Variants in CHSY3 observed in about 807,000 individuals in gnomAD.
CHSY3 encodes the protein chondroitin sulfate synthase 3, also known as N-acetylgalactosaminyl-proteoglycan 3-beta-glucuronosyltransferase 3.
CHSY3 carries 35 observed loss-of-function variants against 67.2 expected under a neutral mutation model. The observed-to-expected ratio is 0.52, with a 90% CI of 0.40 to 0.69. CHSY3 has a LOEUF of 0.69. CHSY3 is among the 30% of genes least tolerant of loss of function. CHSY3 has a pLI of 0.00. For missense variants in CHSY3, 1,069 were observed against 1,138.5 expected (o/e 0.94, Z 0.88); for synonymous variants, 474 against 434.7 (o/e 1.09, Z -1.12).
chr5:130,091,269 G>A (rs990265587), intron 2 of CHSY3, among the ~76,000 whole-genome samples: 7 of 152,230 alleles, frequency 4.6e-5, no homozygotes, highest in African/African-American at 1.7e-4. Context: ...ATTTAAAAAA[G>A]TGAGACTCTG....
At chr5:129,940,827 T>G (rs971541370) in intron 2 of CHSY3, among the ~76,000 whole-genome samples, 64 of 152,276 alleles carry the variant, frequency 4.2e-4, no homozygotes, top group African/African-American at 1.5e-3. Context: ...ACATGAGATA[T>G]TCAACACTTC....
chr5:130,090,822 C>A (rs1766853138), intron 2 of CHSY3, among the ~76,000 whole-genome samples: 1 of 152,130 alleles, frequency 6.6e-6, no homozygotes, highest in Non-Finnish European at 1.5e-5. Context: ...GCCTCCTCTT[C>A]TCAGATTAAT....
chr5:130,068,792 C>T (rs181514913), intron 2 of CHSY3, among the ~76,000 whole-genome samples: 3 of 152,098 alleles, frequency 2.0e-5, no homozygotes, highest in Non-Finnish European at 2.9e-5. Context: ...GGTTCTGGCT[C>T]GAAGAGCTGA....
At position 130,143,795 on chromosome 5, in the gene CHSY3, T is replaced by TCCTGAGGCCTCCCCAGAAGCCAAGC. The variant is rs1768973174; in HGVS notation, c.1087-40434_1087-40433insCCTGAGGCCTCCCCAGAAGCCAAGC. ...ATATATATATATGTGTATATATATA[T>TCCTGAGGCCTCCCCAGAAGCCAAGC]ATATATATATGTGTGTATATATATA... On this transcript the variant is annotated intron_variant, in intron 2 of 2. Coordinates refer to ENST00000305031, the MANE Select transcript of CHSY3 (RefSeq NM_175856.5). 4.4e-5 allele frequency among the ~76,000 whole-genome samples: 4 copies of TCCTGAGGCCTCCCCAGAAGCCAAGC among 91,850 alleles called. 1 individual carries two copies. In the South Asian group the frequency reaches 1.8e-3, roughly 40 times the overall value. 60.3% of individuals were successfully genotyped at this position (91,850 alleles called of 152,430 possible).
chr5:130,081,184 CAG>C (rs1295727776), intron 2 of CHSY3, among the ~76,000 whole-genome samples: 1 of 152,088 alleles, frequency 6.6e-6, no homozygotes, highest in Non-Finnish European at 1.5e-5. Context: ...AATGAAAACT[CAG>C]GGAGGATTCC....
At chr5:129,947,298 C>T (rs1314850886) in intron 2 of CHSY3, among the ~76,000 whole-genome samples, 6 of 152,050 alleles carry the variant, frequency 3.9e-5, no homozygotes, top group Admixed American at 1.3e-4. Flanking sequence ...TTCCCTCCCA[C>T]GACATATGGG....
chr5:130,182,717 G>T (rs761139737), intron 2 of CHSY3, among the ~76,000 whole-genome samples: 5 of 151,938 alleles, frequency 3.3e-5, no homozygotes, highest in Middle Eastern at 3.4e-3. Context: ...ATATCCTACT[G>T]ATCTGGCACT....
intron 2 of CHSY3, among the ~76,000 whole-genome samples, chr5:130,102,692 A>G (rs1220884316): frequency 6.6e-6 from 1 of 152,146 alleles, no homozygotes; most frequent in African/African-American, 2.4e-5. Flanking sequence ...ATAACCATAA[A>G]TAATCCTTGA....
chr5:130,005,920 T>C (rs1189896664), intron 2 of CHSY3, among the ~76,000 whole-genome samples: 1 of 152,202 alleles, frequency 6.6e-6, no homozygotes, highest in Non-Finnish European at 1.5e-5. Context: ...CAATAAGAAA[T>C]GTTTATTGCT....
intron 2 of CHSY3, among the ~76,000 whole-genome samples, chr5:130,020,790 A>G (rs1310238032): frequency 6.6e-6 from 1 of 151,994 alleles, no homozygotes; most frequent in Non-Finnish European, 1.5e-5. Context: ...TAAGAAATCT[A>G]TTGCCTCTTC....
At chr5:129,930,173 A>C (rs1209075678) in intron 2 of CHSY3, among the ~76,000 whole-genome samples, 1 of 151,966 alleles carries the variant, frequency 6.6e-6, no homozygotes, top group Admixed American at 6.6e-5. Context: ...TCTCTACTAA[A>C]AATACAAAAA....
At chr5:130,019,974 G>A (rs1370191937) in intron 2 of CHSY3, among the ~76,000 whole-genome samples, 3 of 152,108 alleles carry the variant, frequency 2.0e-5, no homozygotes, top group Admixed American at 6.5e-5. Context: ...TGGGAGATAA[G>A]CCCCAATTAG....
intron 2 of CHSY3, among the ~76,000 whole-genome samples, chr5:130,020,381 C>T (rs1391052729): frequency 2.0e-5 from 3 of 146,840 alleles, no homozygotes; most frequent in Non-Finnish European, 4.5e-5. Context: ...GATCGTGCCA[C>T]TGCACTCCAA....
intron 2 of CHSY3, among the ~76,000 whole-genome samples, chr5:130,083,476 G>C (rs1251884705): frequency 6.6e-6 from 1 of 151,820 alleles, no homozygotes; most frequent in Non-Finnish European, 1.5e-5. Context: ...ACTACCATAA[G>C]GCTAATGATT....
chr5:130,146,654 A>G (rs1054361490), intron 2 of CHSY3, among the ~76,000 whole-genome samples: 17 of 152,314 alleles, frequency 1.1e-4, no homozygotes, highest in African/African-American at 4.1e-4. Flanking sequence ...TGCGTTTATC[A>G]TTAAGGTAAT....
At chr5:130,135,298 C>T (rs929307345) in intron 2 of CHSY3, among the ~76,000 whole-genome samples, 2 of 150,492 alleles carry the variant, frequency 1.3e-5, no homozygotes, top group African/African-American at 2.4e-5. Context: ...ACACACACAC[C>T]CTGTGCTGTA....
chr5:130,027,012 G>T (rs1445783102), intron 2 of CHSY3, among the ~76,000 whole-genome samples: 1 of 152,098 alleles, frequency 6.6e-6, no homozygotes, highest in Non-Finnish European at 1.5e-5. Flanking sequence ...CATCACTAGG[G>T]TGTCGCAACC....
intron 2 of CHSY3, chr5:130,141,319 C>A: frequency 5.1e-6 from 2 of 389,242 alleles, no homozygotes; most frequent in South Asian, 4.9e-5. Context: ...CCTACTTTGA[C>A]AACCAGCGTG....
At chr5:130,072,174 G>A (rs1223103971) in intron 2 of CHSY3, among the ~76,000 whole-genome samples, 1 of 151,630 alleles carries the variant, frequency 6.6e-6, no homozygotes, top group Non-Finnish European at 1.5e-5. Context: ...TGTTTTCTTT[G>A]CTATGCAGAA....
Sources: allele counts gnomAD v4.1 joint callset (sites outside exome capture counted in the v4.1 genomes callset), GRCh38; gene constraint gnomAD v4.1.1; transcripts MANE v1.5; gene names NCBI Gene and HGNC (gene_info 2026-07-23, HGNC 2026-07-21).